ASCC3: variants seen among roughly 807,000 people sequenced by gnomAD.
The protein encoded by ASCC3 is activating signal cointegrator 1 complex subunit 3.
A neutral mutation model predicts 256.3 loss-of-function variants in ASCC3; 158 were observed. The observed-to-expected ratio is 0.62, with a 90% CI of 0.54 to 0.70. ASCC3 has a LOEUF of 0.70. Ranked by LOEUF, ASCC3 falls within the 30% of genes least tolerant of loss-of-function variation. The pLI is 0.00. For missense variants in ASCC3, 2,259 were observed against 2,626.0 expected (o/e 0.86, Z 3.05); for synonymous variants, 948 against 883.4 (o/e 1.07, Z -1.30).
At chr6:100,591,169 T>G (rs190250314) in intron 34 of ASCC3, among the ~76,000 whole-genome samples, 38 of 152,204 alleles carry the variant, frequency 2.5e-4, no homozygotes, top group East Asian at 1.9e-3. Context: ...TGTCATTAAT[T>G]TAAACAAAAT....
At chr6:100,866,953 TATC>T (rs1394610633) in intron 2 of ASCC3, among the ~76,000 whole-genome samples, 1 of 152,256 alleles carries the variant, frequency 6.6e-6, no homozygotes, top group African/African-American at 2.4e-5. Flanking sequence ...GAAGTCTTGA[TATC>T]ATATGCTTTT....
At chr6:100,805,651 A>G in intron 5 of ASCC3, 109 bp downstream of exon 5, 1 of 1,298,840 alleles carries the variant, frequency 7.7e-7, no homozygotes, top group Non-Finnish European at 1.1e-6. Flanking sequence ...TAATATCAGT[A>G]AATTATATAA....
chr6:100,837,128 A>G (rs1267813666), intron 4 of ASCC3, among the ~76,000 whole-genome samples: 3 of 152,114 alleles, frequency 2.0e-5, no homozygotes, highest in African/African-American at 7.2e-5. Context: ...AAAAATGCTC[A>G]ATATCACTAA....
At chr6:100,801,624 C>T (rs1426422651) in intron 5 of ASCC3, among the ~76,000 whole-genome samples, 3 of 151,898 alleles carry the variant, frequency 2.0e-5, no homozygotes, top group African/African-American at 7.2e-5. Context: ...GAAAATACGT[C>T]TCAAAATTAT....
chr6:100,859,300 T>C (rs561057768), intron 3 of ASCC3: 2 of 770,090 alleles, frequency 2.6e-6, no homozygotes, highest in African/African-American at 3.4e-5. Context: ...TGATAACTTC[T>C]CTGATATAGT....
At chr6:100,842,445 T>C (rs1165137340) in intron 4 of ASCC3, among the ~76,000 whole-genome samples, 1 of 152,184 alleles carries the variant, frequency 6.6e-6, no homozygotes, top group Non-Finnish European at 1.5e-5. Context: ...GAGTGTAATG[T>C]AGTGGACTTT....
chr6:100,859,613 A>G (rs1773127258), intron 3 of ASCC3, among the ~76,000 whole-genome samples: 1 of 152,040 alleles, frequency 6.6e-6, no homozygotes, highest in Admixed American at 6.6e-5. Context: ...ATTTTTTAAC[A>G]GCAAAATCTT....
intron 36 of ASCC3, among the ~76,000 whole-genome samples, chr6:100,557,903 A>C (rs534950166): frequency 3.8e-4 from 58 of 152,016 alleles, no homozygotes; most frequent in South Asian, 8.3e-4. Context: ...CACCCCCCCC[A>C]AAAAAATGTG....
chr6:100,862,077 G>T (rs1311307329), intron 3 of ASCC3, among the ~76,000 whole-genome samples: 1 of 152,118 alleles, frequency 6.6e-6, no homozygotes, highest in East Asian at 1.9e-4. Flanking sequence ...GATTCTGGAG[G>T]CCTCAACATC....
chr6:100,874,390 C>T (rs901667638), intron 1 of ASCC3, among the ~76,000 whole-genome samples: 16 of 137,174 alleles, frequency 1.2e-4, no homozygotes, highest in Admixed American at 8.2e-4. Context: ...CACTTCAACC[C>T]GGGAGGCAGA....
At chr6:100,707,448 C>A (rs146024595) in intron 13 of ASCC3, among the ~76,000 whole-genome samples, 3 of 152,070 alleles carry the variant, frequency 2.0e-5, no homozygotes, top group Admixed American at 2.0e-4. Flanking sequence ...CCAACAGAAG[C>A]TACCTCTGGT....
chr6:100,706,229 C>A (rs1027988061), intron 13 of ASCC3, among the ~76,000 whole-genome samples: 1 of 150,610 alleles, frequency 6.6e-6, no homozygotes, highest in African/African-American at 2.4e-5. Context: ...TTTCATTTTC[C>A]GACAGATGGA....
intron 2 of ASCC3, among the ~76,000 whole-genome samples, chr6:100,865,247 C>G (rs1171503520): frequency 1.3e-5 from 2 of 152,050 alleles, no homozygotes. Context: ...CAGCTTCTGA[C>G]ATAAAAAGTT....
At chr6:100,793,770 GCCTAAAGTC>G (rs1769467042) in intron 8 of ASCC3, among the ~76,000 whole-genome samples, 1 of 100,732 alleles carries the variant, frequency 9.9e-6, no homozygotes, top group Non-Finnish European at 2.2e-5. Flanking sequence ...TAAGTAACTT[GCCTAAAGTC>G]TGGCAGATAG....
chr6:100,871,101 T>A (rs1773718325), intron 1 of ASCC3, among the ~76,000 whole-genome samples: 1 of 152,026 alleles, frequency 6.6e-6, no homozygotes, highest in African/African-American at 2.4e-5. Context: ...TTATTCTTTT[T>A]TTTTTTTCTT....
chr6:100,603,173 GAATA>G (rs751017564), intron 33 of ASCC3, among the ~76,000 whole-genome samples: 66 of 151,410 alleles, frequency 4.4e-4, no homozygotes, highest in Non-Finnish European at 8.3e-4. Flanking sequence ...ATAGAGAAAT[GAATA>G]AATAAATTAT....
chr6:100,724,721 A>C (rs1482846067), intron 11 of ASCC3, among the ~76,000 whole-genome samples: 1 of 151,730 alleles, frequency 6.6e-6, no homozygotes, highest in Non-Finnish European at 1.5e-5. Flanking sequence ...AGCACGAGGG[A>C]CTCTATTTCC....
intron 13 of ASCC3, among the ~76,000 whole-genome samples, chr6:100,708,455 A>T (rs1018810617): frequency 6.6e-6 from 1 of 152,156 alleles, no homozygotes; most frequent in Admixed American, 6.6e-5. Context: ...CATTTAGATG[A>T]AAATACATTC....
intron 37 of ASCC3, among the ~76,000 whole-genome samples, chr6:100,533,688 C>T (rs915889130): frequency 6.6e-6 from 1 of 152,182 alleles, no homozygotes; most frequent in Non-Finnish European, 1.5e-5. Context: ...CATATGAAAG[C>T]TCAATTACTG....
Sources: gnomAD v4.1 joint callset for allele counts (sites outside exome capture counted in the v4.1 genomes callset) on GRCh38, gnomAD v4.1.1 for gene constraint, MANE v1.5 for transcripts, NCBI Gene and HGNC (gene_info 2026-07-23, HGNC 2026-07-21) for gene names.